The following MAP6 variants were observed in gnomAD, a reference collection of about 807,000 sequenced individuals.
MAP6 encodes microtubule-associated protein 6.
In MAP6, 26 loss-of-function variants were observed where a neutral mutation model predicts 42.4. That is an observed-to-expected ratio of 0.61 (90% confidence interval 0.45 to 0.85). The LOEUF is 0.85. MAP6 is among the 40% of genes least tolerant of loss of function. The pLI is 0.00. For synonymous variants in MAP6, 418 were observed against 443.8 expected, an observed-to-expected ratio of 0.94 and a Z score of 0.73; for missense variants, 966 against 1,099.0, an observed-to-expected ratio of 0.88 and a Z score of 1.71.
intron 1 of MAP6, among the ~76,000 whole-genome samples, chr11:75,653,156 C>A (rs1017828257): frequency 6.6e-6 from 1 of 152,196 alleles, no homozygotes; most frequent in Non-Finnish European, 1.5e-5. Flanking sequence ...GGCAATGGAC[C>A]AATTCACTCG....
intron 1 of MAP6, among the ~76,000 whole-genome samples, chr11:75,622,337 T>C (rs947068812): frequency 3.3e-5 from 5 of 152,160 alleles, no homozygotes; most frequent in Admixed American, 6.5e-5. Flanking sequence ...CTCAAACTCC[T>C]GGGCTCAAGC....
chr11:75,645,634 C>T (rs561502383), intron 1 of MAP6, among the ~76,000 whole-genome samples: 7 of 152,166 alleles, frequency 4.6e-5, no homozygotes, highest in African/African-American at 1.4e-4. Context: ...GAGAAAACAT[C>T]TAACTTAGAC....
At chr11:75,597,148 T>G (rs1018388648) in intron 3 of MAP6, 3 of 152,216 alleles carry the variant, frequency 2.0e-5, no homozygotes, top group Admixed American at 6.5e-5. Flanking sequence ...AAAGGCCAAG[T>G]AAAGGTTCAT....
intron 1 of MAP6, among the ~76,000 whole-genome samples, chr11:75,617,242 C>A (rs1943011277): frequency 6.6e-6 from 1 of 152,114 alleles, no homozygotes; most frequent in Admixed American, 6.5e-5. Flanking sequence ...CTAGGCTGGG[C>A]ACCGTGGCTC....
intron 1 of MAP6, among the ~76,000 whole-genome samples, chr11:75,645,580 T>C (rs1232790682): frequency 1.3e-5 from 2 of 152,024 alleles, no homozygotes; most frequent in South Asian, 2.1e-4. Flanking sequence ...CTTAAAACCA[T>C]ATGAGGAAAT....
At chr11:75,608,621 A>G (rs567705647) in intron 1 of MAP6, among the ~76,000 whole-genome samples, 106 of 152,318 alleles carry the variant, frequency 7.0e-4, no homozygotes, top group Non-Finnish European at 1.3e-3. Context: ...CTTTTTCCCA[A>G]TCTTGAAAAT....
intron 1 of MAP6, among the ~76,000 whole-genome samples, chr11:75,623,939 T>G (rs1943154593): frequency 6.6e-6 from 1 of 152,294 alleles, no homozygotes; most frequent in African/African-American, 2.4e-5. Context: ...ACTGAGACCC[T>G]TGGCTGCCCA....
chr11:75,655,618 A>C (rs1590807685), intron 1 of MAP6, among the ~76,000 whole-genome samples: 1 of 152,232 alleles, frequency 6.6e-6, no homozygotes, highest in Non-Finnish European at 1.5e-5. Context: ...GAGTTTAGGA[A>C]AAGAAGTGAG....
At chr11:75,624,746 T>C (rs1030238514) in intron 1 of MAP6, among the ~76,000 whole-genome samples, 1 of 152,168 alleles carries the variant, frequency 6.6e-6, no homozygotes, top group African/African-American at 2.4e-5. Context: ...AGAATAGTCA[T>C]GTTCTTTCGA....
intron 3 of MAP6, among the ~76,000 whole-genome samples, 160 bp from the exon 4 acceptor site, chr11:75,588,344 G>A (rs1416053796): frequency 6.6e-6 from 1 of 152,070 alleles, no homozygotes; most frequent in African/African-American, 2.4e-5. Flanking sequence ...AGTACAGAAT[G>A]TGGGCGGGGG....
chr11:75,593,755 G>A (rs780831370), intron 3 of MAP6, among the ~76,000 whole-genome samples: 1 of 152,208 alleles, frequency 6.6e-6, no homozygotes, highest in Admixed American at 6.5e-5. Flanking sequence ...AAGACACTGA[G>A]CAATAACTAT....
chr11:75,631,581 G>A (rs1000202329), intron 1 of MAP6, among the ~76,000 whole-genome samples: 5 of 152,186 alleles, frequency 3.3e-5, no homozygotes, highest in African/African-American at 1.2e-4. Context: ...TCTCAGCTAA[G>A]GAAACTCAAA....
intron 3 of MAP6, chr11:75,603,651 AACACCAACTTG>A: frequency 1.0e-6 from 1 of 985,238 alleles, no homozygotes; most frequent in South Asian, 4.7e-5. Context: ...CGATTTGGGC[AACACCAACTTG>A]ACTTGGTCAT....
chr11:75,631,382 C>T (rs908231348), intron 1 of MAP6, among the ~76,000 whole-genome samples: 3 of 152,210 alleles, frequency 2.0e-5, no homozygotes, highest in Non-Finnish European at 4.4e-5. Context: ...ATAATGTCAT[C>T]TACCTTGCTG....
intron 1 of MAP6, among the ~76,000 whole-genome samples, chr11:75,633,823 T>C (rs1301859462): frequency 6.6e-6 from 1 of 152,034 alleles, no homozygotes; most frequent in Non-Finnish European, 1.5e-5. Flanking sequence ...GGAGAAGAGA[T>C]CAGAGAAGGG....
At chr11:75,658,691 C>T (rs1403133266) in intron 1 of MAP6, among the ~76,000 whole-genome samples, 1 of 152,160 alleles carries the variant, frequency 6.6e-6, no homozygotes, top group Non-Finnish European at 1.5e-5. Context: ...GGAGCTAGCC[C>T]CAGCCTACCT....
chr11:75,656,786 AT>A (rs1348518366), intron 1 of MAP6, among the ~76,000 whole-genome samples: 1 of 151,852 alleles, frequency 6.6e-6, no homozygotes, highest in African/African-American at 2.4e-5. Context: ...GTTCTTTTGT[AT>A]TTTGTTTCTT....
Position 75,587,953 on chromosome 11 carries a change from C to T in MAP6, c.1548G>A (p.Lys516=). 3 of 1,614,130 alleles carry T rather than the reference C, an allele frequency of 1.9e-6. No homozygotes were observed. The highest frequency in any genetic ancestry group is 2.5e-6 in the Non-Finnish European group (3 of 1,180,032). Residue 516 remains lysine (K), a synonymous_variant, in exon 4 of 4, where the codon AAG becomes AAA. Coordinates refer to ENST00000304771, the MANE Select transcript of MAP6 (RefSeq NM_033063.2). ...GTGCTGAGATAACAGGGCTTTCATT[C>T]TTTAAAGGCTCAGGGACCGTGTGAT... ...DQDHTVPEPL[K]NESPVISAPV...
At chr11:75,621,856 C>G (rs1194099976) in intron 1 of MAP6, among the ~76,000 whole-genome samples, 3 of 152,108 alleles carry the variant, frequency 2.0e-5, no homozygotes, top group Non-Finnish European at 2.9e-5. Flanking sequence ...AACCTCGTCT[C>G]TACTAAAAAT....
Sources: allele counts gnomAD v4.1 joint callset (sites outside exome capture counted in the v4.1 genomes callset), GRCh38; gene constraint gnomAD v4.1.1; transcripts MANE v1.5; gene names NCBI Gene and HGNC (gene_info 2026-07-23, HGNC 2026-07-21).